Variants in COQ5 observed in about 807,000 individuals in gnomAD.
COQ5 encodes 2-methoxy-6-polyprenyl-1,4-benzoquinol methylase, mitochondrial.
In COQ5, 27 loss-of-function variants were observed where a neutral mutation model predicts 40.5. The ratio of observed to expected loss-of-function variants is 0.67; its 90% CI spans 0.49 to 0.92. The LOEUF is 0.92. COQ5 is among the 40% of genes least tolerant of loss of function. COQ5 has a pLI of 0.00. For synonymous variants in COQ5, 141 were observed against 150.0 expected (o/e 0.94, Z 0.44); for missense variants, 409 against 406.4 (o/e 1.01, Z -0.06).
In COQ5 at chr12:120,529,153, A is replaced by C. The variant is rs1029432880; in HGVS notation, c.-12T>G. ...CCGGGGGCCGCCATCTTGGTAGTCG[A>C]GTGACAACGGCCAGAGAGTACGCCT... On this transcript the variant is annotated 5_prime_UTR_variant, in exon 1 of 7. Transcript: ENST00000288532. The C allele has an allele frequency of 8.7e-6, 14 of 1,608,888 alleles. No individual in the cohort carries two copies. The highest frequency in any genetic ancestry group is 1.2e-5 in the Non-Finnish European group (14 of 1,176,878).
At chr12:120,526,576 C>A (rs1439375359) in intron 1 of COQ5, 2 of 403,826 alleles carry the variant, frequency 5.0e-6, no homozygotes, top group South Asian at 3.7e-5. Context: ...ATTGAAAGCA[C>A]AAAGGATAAA....
intron 3 of COQ5, among the ~76,000 whole-genome samples, chr12:120,512,465 G>C (rs985542300): frequency 5.9e-5 from 9 of 152,110 alleles, no homozygotes; most frequent in African/African-American, 2.2e-4. Flanking sequence ...GCTGGGCTTG[G>C]TGGAGGGTGC....
chr12:120,521,444 G>A (rs1209913307), intron 2 of COQ5, among the ~76,000 whole-genome samples: 1 of 151,972 alleles, frequency 6.6e-6, no homozygotes, highest in African/African-American at 2.4e-5. Context: ...TTGGGAGGCC[G>A]AGGCGGGTGT....
At chr12:120,525,541 A>G (rs1374425250) in intron 1 of COQ5, among the ~76,000 whole-genome samples, 2 of 152,084 alleles carry the variant, frequency 1.3e-5, no homozygotes, top group African/African-American at 4.8e-5. Flanking sequence ...GCTTGAACCC[A>G]GGAGTTCAAG....
At chr12:120,520,288 C>A (rs1459423122) in intron 2 of COQ5, among the ~76,000 whole-genome samples, 1 of 150,122 alleles carries the variant, frequency 6.7e-6, no homozygotes, top group Non-Finnish European at 1.5e-5. Context: ...GAATTACAGA[C>A]GCCCGCCACC....
chr12:120,508,776 A>C (rs549741844), intron 4 of COQ5, among the ~76,000 whole-genome samples: 260 of 152,270 alleles, frequency 1.7e-3, no homozygotes, highest in African/African-American at 5.9e-3. Context: ...CTGTAATCCC[A>C]GCACTTTGGG....
chr12:120,508,182 G>C (rs974556941), intron 4 of COQ5, among the ~76,000 whole-genome samples: 2 of 151,982 alleles, frequency 1.3e-5, no homozygotes, highest in Non-Finnish European at 2.9e-5. Flanking sequence ...TTTTAGTAGA[G>C]ACGGGGTTTC....
At chr12:120,505,125 T>C (rs943815492) in intron 4 of COQ5, 142 bp from the exon 5 acceptor site, 4 of 721,558 alleles carry the variant, frequency 5.5e-6, no homozygotes, top group Non-Finnish European at 2.5e-6. Flanking sequence ...CTTGGGAAGC[T>C]GTAACAGCAG....
chr12:120,523,780 G>T (rs544126809), intron 1 of COQ5: 10 of 241,484 alleles, frequency 4.1e-5, no homozygotes, highest in East Asian at 1.6e-4. Context: ...GAGTCCAAGG[G>T]GGGTGGTTCA....
intron 1 of COQ5, chr12:120,526,490 G>A (rs1869949166): frequency 4.4e-6 from 2 of 455,220 alleles, no homozygotes; most frequent in Admixed American, 2.4e-5. Flanking sequence ...GTGACAAAAA[G>A]GTTGAAGATG....
intron 2 of COQ5, among the ~76,000 whole-genome samples, chr12:120,520,518 G>A (rs1354846927): frequency 6.6e-6 from 1 of 151,922 alleles, no homozygotes; most frequent in Non-Finnish European, 1.5e-5. Flanking sequence ...TAGAGACAGG[G>A]TTTCACCATG....
chr12:120,505,089 G>A (rs1294831352), intron 4 of COQ5, 106 bp from the exon 5 acceptor site: 2 of 856,910 alleles, frequency 2.3e-6, no homozygotes, highest in East Asian at 5.1e-5. Context: ...AGTTATCATG[G>A]CCCACAAACC....
At chr12:120,527,345 TG>T (rs1870000262) in intron 1 of COQ5, 1 of 152,156 alleles carries the variant, frequency 6.6e-6, no homozygotes, top group Non-Finnish European at 1.5e-5. Context: ...CCTCCCAAAG[TG>T]CTGGGATTAC....
At chr12:120,507,265 T>A (rs929261073) in intron 4 of COQ5, among the ~76,000 whole-genome samples, 5 of 151,342 alleles carry the variant, frequency 3.3e-5, no homozygotes, top group Admixed American at 2.6e-4. Context: ...GAAATATAAA[T>A]ATAAATGGAA....
At chr12:120,505,026 C>T (rs1364469242) in intron 4 of COQ5, 43 bp from the exon 5 acceptor site, 1 of 1,508,272 alleles carries the variant, frequency 6.6e-7, no homozygotes, top group African/African-American at 1.4e-5. Context: ...CTCAGTAGAC[C>T]TCACTCAATT....
Position 120,510,124 on chromosome 12 carries a change from C to G in COQ5, c.575-1G>C. The G allele has an allele frequency of 1.2e-6, 2 of 1,612,276 alleles. No individual in the cohort carries two copies. The highest frequency in any genetic ancestry group is 8.5e-7 in the Non-Finnish European group (1 of 1,178,428). On this transcript the variant is annotated splice_acceptor_variant, in intron 3 of 6. Coordinates refer to ENST00000288532, the MANE Select transcript of COQ5 (RefSeq NM_032314.4). LOFTEE classifies it high-confidence loss of function. ...GCATCTCCTAATACCCATGCAAGTC[C>G]TGAAAGAGAAAGTGAGTTCCGGGTC...
intron 1 of COQ5, chr12:120,523,340 G>GA (rs991640868): frequency 4.1e-3 from 1,278 of 311,900 alleles, no homozygotes; most frequent in South Asian, 8.4e-3. Context: ...CCGTCTCAAA[G>GA]AAAAAAAAAT....
intron 3 of COQ5, among the ~76,000 whole-genome samples, chr12:120,510,835 C>T (rs533047255): frequency 2.0e-5 from 3 of 152,178 alleles, no homozygotes; most frequent in Middle Eastern, 3.4e-3. Context: ...CTGTGTCCTC[C>T]AAGGATCTTG....
intron 4 of COQ5, among the ~76,000 whole-genome samples, chr12:120,506,118 G>A (rs1040775828): frequency 6.6e-6 from 1 of 152,112 alleles, no homozygotes; most frequent in Non-Finnish European, 1.5e-5. Flanking sequence ...GCCTCACAAG[G>A]TGCTAGGATT....
Sources: gnomAD v4.1 joint callset for allele counts (sites outside exome capture counted in the v4.1 genomes callset) on GRCh38, gnomAD v4.1.1 for gene constraint, MANE v1.5 for transcripts, NCBI Gene and HGNC (gene_info 2026-07-23, HGNC 2026-07-21) for gene names.